NBPF19: variants seen among roughly 807,000 people sequenced by gnomAD.
The protein encoded by NBPF19 is NBPF member 19, also known as NBPF family member NBPF19.
In NBPF19, 30 loss-of-function variants were observed where a neutral mutation model predicts 45.9. That is an observed-to-expected ratio of 0.65 (90% CI 0.49 to 0.89). The LOEUF (loss-of-function observed/expected upper bound fraction) is 0.89, where lower values mean the gene tolerates loss of function less well. Ranked by LOEUF, NBPF19 falls within the 40% of genes least tolerant of loss-of-function variation. NBPF19 has a pLI of 0.00. For missense variants in NBPF19, 495 were observed against 471.8 expected, an observed-to-expected ratio of 1.05 and a Z score of -0.46; for synonymous variants, 183 against 181.2, an observed-to-expected ratio of 1.01 and a Z score of -0.08.
In NBPF19 at chr1:149,486,125, A is replaced by T. The variant is rs1169082016; in HGVS notation, c.825-5A>T. ...CTATCATCCCTGTCCTGCCTGGCTC[A>T]TCAGGAATCTGCAGGAGTCTGAAGA... is the stretch of plus-strand genomic sequence containing the variant. On this transcript the variant is annotated splice_region_variant and splice_polypyrimidine_tract_variant and intron_variant, in intron 7 of 93. Coordinates refer to ENST00000651566, the MANE Select transcript of NBPF19 (RefSeq NM_001351365.2). The T allele has an allele frequency of 7.4e-6, 3 of 404,502 alleles. No individual in the cohort carries two copies. The highest frequency in any genetic ancestry group is 1.1e-4 in the Admixed American group (2 of 18,324). 25.1% of individuals were successfully genotyped at this position (404,502 alleles called of 1,614,324 possible). A position where few individuals can be genotyped will look rare whatever the true frequency, so the allele number is the denominator to read the frequency against.
intron 8 of NBPF19, among the ~76,000 whole-genome samples, chr1:149,486,631 G>A (rs1243831672): frequency 1.3e-5 from 2 of 151,446 alleles, no homozygotes; most frequent in Admixed American, 1.3e-4. Flanking sequence ...TGAATTAAAT[G>A]TCTTTTGCCA....
intron 15 of NBPF19, among the ~76,000 whole-genome samples, chr1:149,492,555 G>GTCTCTC: frequency 8.0e-6 from 1 of 125,418 alleles, no homozygotes; most frequent in Non-Finnish European, 1.7e-5. Flanking sequence ...CTCTGTCTCT[G>GTCTCTC]TCTCTCTCTC....
Position 149,554,379 on chromosome 1 carries a change from A to T in NBPF19, c.11289-116A>T, listed in dbSNP as rs1255185975. 1.7e-5 allele frequency: 27 copies of T among 1,587,198 alleles called. No homozygotes were observed. In the Admixed American group the frequency reaches 4.2e-4, roughly 25 times the overall value. ...ATAAATTTTTTTTTTTACCTCATTA[A>T]TGGATCTATCCTTTTTCTTTTCTAA... On this transcript the variant is annotated intron_variant, in intron 93 of 93. Transcript: ENST00000651566.
In NBPF19 at chr1:149,487,954, G is replaced by C. The variant is rs1252657026; in HGVS notation, c.1041-59G>C. On this transcript the variant is annotated intron_variant, in intron 9 of 93. Transcript: ENST00000651566. ...CTTATGTTAGCCATGAAATCTAGCT[G>C]GGGCTGTGTGGTTTCTGATTCCCCC... The C allele has an allele frequency of 1.8e-4, 125 of 700,164 alleles. 9 individuals carry two copies. The highest frequency in any genetic ancestry group is 2.9e-4 in the Non-Finnish European group (108 of 378,610). The allele number at this position is 700,164 out of a possible 1,614,324, so 43.4% of individuals were successfully genotyped here.
At chr1:149,487,529 T>C in intron 9 of NBPF19, 146 bp downstream of exon 9, 1 of 989,254 alleles carries the variant, frequency 1.0e-6, no homozygotes, top group Admixed American at 1.7e-5. Context: ...TTTGTTCTCA[T>C]TAGAGTAAAT....
intron 8 of NBPF19, 57 bp from the exon 9 acceptor site, chr1:149,487,275 G>T (rs1416412243): frequency 7.8e-7 from 1 of 1,275,906 alleles, no homozygotes; most frequent in Non-Finnish European, 1.1e-6. Flanking sequence ...ACAGAGGAAT[G>T]TTTCTGTGTG....
At position 149,486,135 on chromosome 1, in the gene NBPF19, T is replaced by A; in HGVS notation, c.830T>A (p.Leu277Gln). Residue 277 changes from leucine (L) to glutamine (Q), a missense_variant, in exon 8 of 94, where the codon CTG becomes CAG. Physicochemically the swap from Leu to Gln is moderately radical, Grantham distance 113. Around this residue, in one of 8 missense-constraint regions of NBPF19, gnomAD observed 146 missense variants for 67.3 expected, o/e 2.17. Transcript: ENST00000651566. ...EEKGPVSPRN[L>Q]QESEEEEVPQ... ...TGTCCTGCCTGGCTCATCAGGAATC[T>A]GCAGGAGTCTGAAGAGGAGGAAGTC... 2.4e-6 allele frequency: 1 copy of A among 415,084 alleles called. No homozygotes were observed. The highest frequency in any genetic ancestry group is 4.1e-6 in the Non-Finnish European group (1 of 244,546). The allele number at this position is 415,084 out of a possible 1,614,324, so 25.7% of individuals were successfully genotyped here. A position where few individuals can be genotyped will look rare whatever the true frequency, so the allele number is the denominator to read the frequency against.
chr1:149,488,174 T>A lies in NBPF19; in HGVS notation c.1202T>A (p.Ile401Asn). 3 of 662,136 alleles carry A rather than the reference T, an allele frequency of 4.5e-6. No individual in the cohort carries two copies. The highest frequency in any genetic ancestry group is 8.1e-6 in the Non-Finnish European group (3 of 369,780). The allele number at this position is 662,136 out of a possible 1,614,324, so 41.0% of individuals were successfully genotyped here. A position where few individuals can be genotyped will look rare whatever the true frequency, so the allele number is the denominator to read the frequency against. ...VLEQQRVGLA[I>N]DMDEIEKYQE... ...GAGCAACAGCGTGTTGGCTTGGCTA[T>A]TGACATGGATGGTGAGTACCTTTCT... Residue 401 changes from isoleucine to asparagine, a missense_variant, in exon 10 of 94, where the codon ATT becomes AAT. Transcript: ENST00000651566.
rs1450288508 is a variant in NBPF19 at position 149,479,039 on chromosome 1, A to G, written c.438A>G (p.Glu146=). The G allele has an allele frequency of 6.4e-7, 1 of 1,573,790 alleles. No homozygotes were observed. The highest frequency in any genetic ancestry group is 8.7e-7 in the Non-Finnish European group (1 of 1,145,918). The part of the protein sequence containing the change: ...PDKSQGQDLQ[E]QLAEGCRLAQ... ...AGTCCCAGGGGCAGGACCTCCAAGAACAGCTGGCTGAGGGGTGTAGACTGG... is the reference window on the plus strand; with the variant it reads ...AGTCCCAGGGGCAGGACCTCCAAGAGCAGCTGGCTGAGGGGTGTAGACTGG... Residue 146 remains glutamate, a synonymous_variant, in exon 4 of 94, where the codon GAA becomes GAG. Coordinates refer to ENST00000651566, the MANE Select transcript of NBPF19 (RefSeq NM_001351365.2).
At chr1:149,488,472 T>C (rs1270508263) in intron 10 of NBPF19, among the ~76,000 whole-genome samples, 2 of 128,124 alleles carry the variant, frequency 1.6e-5, no homozygotes, top group Non-Finnish European at 3.3e-5. Flanking sequence ...AACTCTGATT[T>C]TGTCTCAATT....
Position 149,487,336 on chromosome 1 carries a change from T to C in NBPF19, c.993T>C (p.His331=). 1 of 1,565,418 alleles carries C rather than the reference T, an allele frequency of 6.4e-7. No homozygotes were observed. The highest frequency in any genetic ancestry group is 8.7e-7 in the Non-Finnish European group (1 of 1,148,730). ...CCCATCTGAATTTATTTGCAGGACA[T>C]CGCTGGGATCAAGTGAAAAAGGAGG... ...QVCMAVDIGR[H]RWDQVKKEDQ... is the part of the protein sequence containing the mutation. The change falls in exon 9 of 94, where the codon CAT becomes CAC. Residue 331 remains histidine, a synonymous_variant. Coordinates refer to ENST00000651566, the MANE Select transcript of NBPF19 (RefSeq NM_001351365.2).
intron 8 of NBPF19, among the ~76,000 whole-genome samples, chr1:149,487,127 A>G (rs1244450933): frequency 6.7e-6 from 1 of 150,130 alleles, no homozygotes; most frequent in Non-Finnish European, 1.5e-5. Flanking sequence ...ACATTCCAAC[A>G]CAGGGGAATT....
rs1414958392 is a variant in NBPF19 at position 149,478,065 on chromosome 1, G to T, written c.278+18G>T. On this transcript the variant is annotated intron_variant, in intron 3 of 93. Transcript: ENST00000651566. ...GAGCTCAGGTGAGGGGACCCCGTGG[G>T]GGGAGGGCAGGCGGGTAGGTGTGTA... 10 of 1,568,396 alleles carry T rather than the reference G, an allele frequency of 6.4e-6. No individual in the cohort carries two copies. In the South Asian group the frequency reaches 6.6e-5, roughly 10 times the overall value.
intron 4 of NBPF19, among the ~76,000 whole-genome samples, chr1:149,479,830 A>G (rs1413715655): frequency 6.6e-6 from 1 of 150,804 alleles, no homozygotes; most frequent in Non-Finnish European, 1.5e-5. Context: ...GTGCCTGGGA[A>G]TCAGATCTGG....
rs1206525239 is a variant in NBPF19 at position 149,554,564 on chromosome 1, G to T, written c.11358G>T (p.Ser3786=). The T allele has an allele frequency of 5.7e-4, 913 of 1,607,716 alleles. 30 individuals are homozygous for T. Among genetic ancestry groups the T allele is most frequent in the Admixed American group, 1.8e-3 (108 of 59,866 alleles). The stretch of plus-strand genomic sequence containing the variant: ...AGGACTCACTGGATGGATGTTATTC[G>T]ACTCCGTCAATGTACTTTGAACTAC... ...VLQDSLDGCY[S]TPSMYFELPD... The change falls in exon 94 of 94, where the codon TCG becomes TCT. Residue 3786 remains serine (S), a synonymous_variant. Transcript: ENST00000651566.
chr1:149,555,071 C>T lies in NBPF19; in HGVS notation c.*333C>T. On this transcript the variant is annotated 3_prime_UTR_variant, in exon 94 of 94. Coordinates refer to ENST00000651566, the MANE Select transcript of NBPF19 (RefSeq NM_001351365.2). ...GCATGTCTCTGAGCTTCTATACCTG[C>T]TCAAGGTCAGTGTCATCTTTGTGTT... 2 of 386,490 alleles carry T rather than the reference C, an allele frequency of 5.2e-6. No individual in the cohort carries two copies. Among genetic ancestry groups the T allele is most frequent in the Non-Finnish European group, 9.6e-6 (2 of 207,926 alleles). 23.9% of individuals were successfully genotyped at this position (386,490 alleles called of 1,614,324 possible).
chr1:149,483,666 T>A (rs2085342754), intron 7 of NBPF19, among the ~76,000 whole-genome samples: 1 of 143,138 alleles, frequency 7.0e-6, no homozygotes, highest in Non-Finnish European at 1.6e-5. Flanking sequence ...CAGTGGCTGG[T>A]ACCGGTTGTT....
In NBPF19 at chr1:149,479,124, A is replaced by T. The variant is rs1391939079; in HGVS notation, c.493+30A>T. ...GGTGGCCATAGGCCCTGATGACCCA[A>T]AACCCCAGGCTTATGAGAGGCTCCA... On this transcript the variant is annotated intron_variant, in intron 4 of 93. Transcript: ENST00000651566. The T allele has an allele frequency of 7.9e-6, 12 of 1,514,686 alleles. No individual in the cohort carries two copies. In the African/African-American group the frequency reaches 1.5e-4, roughly 19 times the overall value. 93.8% of individuals were successfully genotyped at this position (1,514,686 alleles called of 1,614,324 possible). A position where few individuals can be genotyped will look rare whatever the true frequency, so the allele number is the denominator to read the frequency against.
rs2085596545 is a variant in NBPF19, at chr1:149,487,353, A to G, written c.1010A>G (p.Lys337Arg). Reference sequence around the variant, plus strand: ...GCAGGACATCGCTGGGATCAAGTGAAAAAGGAGGACCAAGAGGCAACAGGT... The same window carrying G: ...GCAGGACATCGCTGGGATCAAGTGAGAAAGGAGGACCAAGAGGCAACAGGT... ...DIGRHRWDQV[K>R]KEDQEATGPR... The change falls in exon 9 of 94, where the codon AAA (lysine) becomes AGA (arginine). Residue 337 changes from lysine (K) to arginine (R), a missense_variant. Lys to Arg is a conservative substitution (Grantham distance 26, BLOSUM62 2). Around this residue, in one of 8 missense-constraint regions of NBPF19, gnomAD observed 146 missense variants for 67.3 expected, o/e 2.17. Coordinates refer to ENST00000651566, the MANE Select transcript of NBPF19 (RefSeq NM_001351365.2). The G allele has an allele frequency of 6.4e-7, 1 of 1,565,206 alleles. No individual in the cohort carries two copies. Among genetic ancestry groups the G allele is most frequent in the Admixed American group, 1.7e-5 (1 of 59,826 alleles).
Sources: allele counts gnomAD v4.1 joint callset (sites outside exome capture counted in the v4.1 genomes callset), GRCh38; gene constraint gnomAD v4.1.1; regional missense constraint gnomAD v4.1.1; transcripts MANE v1.5; gene names NCBI Gene and HGNC (gene_info 2026-07-23, HGNC 2026-07-21).